The following FAXDC2 variants were observed in gnomAD, a reference collection of about 807,000 sequenced individuals.
FAXDC2 encodes fatty acid hydroxylase domain containing 2, also known as fatty acid hydroxylase domain-containing protein 2.
A neutral mutation model predicts 40.9 loss-of-function variants in FAXDC2; 41 were observed. The ratio of observed to expected loss-of-function variants is 1.00; its 90% CI spans 0.78 to 1.30. The LOEUF (loss-of-function observed/expected upper bound fraction) is 1.30. Among genes scored for constraint, FAXDC2 ranks in the 50% most tolerant of loss-of-function variants. The probability of loss-of-function intolerance (pLI) is 0.00; values close to 1 mark genes in which losing one functional copy is unlikely to be tolerated. For synonymous variants in FAXDC2, 157 were observed against 149.3 expected (o/e 1.05, Z -0.38); for missense variants, 390 against 408.8 (o/e 0.95, Z 0.40).
At chr5:154,828,272 G>A (rs1452360375) in intron 5 of FAXDC2, among the ~76,000 whole-genome samples, 1 of 152,100 alleles carries the variant, frequency 6.6e-6, no homozygotes, top group East Asian at 1.9e-4. Flanking sequence ...TTACAGTAGT[G>A]AGCAACCACA....
intron 4 of FAXDC2, among the ~76,000 whole-genome samples, chr5:154,832,347 G>T (rs1437051817): frequency 6.6e-6 from 1 of 151,836 alleles, no homozygotes; most frequent in Non-Finnish European, 1.5e-5. Flanking sequence ...CTGAGTAGCT[G>T]GGACTACTGG....
intron 4 of FAXDC2, 79 bp from the exon 5 acceptor site, chr5:154,831,001 G>C: frequency 6.5e-7 from 1 of 1,540,326 alleles, no homozygotes; most frequent in Non-Finnish European, 8.9e-7. Flanking sequence ...ACTTTTTTGT[G>C]GTGACTGAGG....
intron 1 of FAXDC2, among the ~76,000 whole-genome samples, chr5:154,848,911 G>A (rs927914017): frequency 3.3e-5 from 5 of 152,008 alleles, no homozygotes; most frequent in African/African-American, 1.2e-4. Context: ...AGGTTGCAGT[G>A]AGCCAAGATC....
At chr5:154,837,106 A>G (rs1760365763) in intron 2 of FAXDC2, among the ~76,000 whole-genome samples, 1 of 152,026 alleles carries the variant, frequency 6.6e-6, no homozygotes, top group Admixed American at 6.6e-5. Flanking sequence ...TGATCAAAAG[A>G]CCAAGCAGAA....
chr5:154,847,487 C>CTTTTTTTTTTTTTTTTTTT (rs557543082), intron 1 of FAXDC2, among the ~76,000 whole-genome samples: 4 of 132,312 alleles, frequency 3.0e-5, no homozygotes, highest in Admixed American at 8.0e-5. Flanking sequence ...TTCTTTCTTT[C>CTTTTTTTTTTTTTTTTTTT]TTTTTTTTTT....
intron 5 of FAXDC2, among the ~76,000 whole-genome samples, chr5:154,824,945 T>C (rs1030801640): frequency 1.3e-5 from 2 of 150,062 alleles, no homozygotes; most frequent in Non-Finnish European, 2.9e-5. Flanking sequence ...AAGCTGGATG[T>C]GGTGGTGTGC....
chr5:154,833,994 C>T (rs914100631), intron 4 of FAXDC2, among the ~76,000 whole-genome samples: 4 of 149,900 alleles, frequency 2.7e-5, no homozygotes, highest in African/African-American at 4.9e-5. Flanking sequence ...TCTATATCCT[C>T]GATACAAGTG....
rs917968606 is a variant in FAXDC2 at position 154,838,073 on chromosome 5, T to C, written c.48+58A>G. On this transcript the variant is annotated intron_variant, in intron 2 of 8. Transcript: ENST00000326080. ...GTTGGATGCATAGCAAGTGCAGCTATGGCAAAGAGCCACTGACTACATTCT... is the reference window on the plus strand; with the variant it reads ...GTTGGATGCATAGCAAGTGCAGCTACGGCAAAGAGCCACTGACTACATTCT... 8.6e-6 allele frequency: 10 copies of C among 1,163,132 alleles called. No individual in the cohort carries two copies. The African/African-American group carries it at 1.2e-4, about 14-fold the overall frequency. The allele number at this position is 1,163,132 out of a possible 1,614,324, so 72.1% of individuals were successfully genotyped here. A position where few individuals can be genotyped will look rare whatever the true frequency, so the allele number is the denominator to read the frequency against.
Position 154,820,079 on chromosome 5 carries a change from G to A in FAXDC2, c.*237C>T, listed in dbSNP as rs1271676969. ...CTCTGACCAGCCTCCAGTCTGGGGA[G>A]CTGTGTTTTCCTTTTTCTTAAGCTA... On this transcript the variant is annotated 3_prime_UTR_variant, in exon 9 of 9. Coordinates refer to ENST00000326080, the MANE Select transcript of FAXDC2 (RefSeq NM_032385.5). 4 of 431,294 alleles carry A rather than the reference G, an allele frequency of 9.3e-6. No homozygotes were observed. The highest frequency in any genetic ancestry group is 4.1e-5 in the African/African-American group (2 of 48,528). 26.7% of individuals were successfully genotyped at this position (431,294 alleles called of 1,614,324 possible).
intron 1 of FAXDC2, among the ~76,000 whole-genome samples, chr5:154,843,392 A>G (rs762340897): frequency 6.6e-6 from 1 of 152,202 alleles, no homozygotes; most frequent in Non-Finnish European, 1.5e-5. Context: ...CGAACTTACT[A>G]TGTGCAAGGA....
In FAXDC2 at chr5:154,834,626, T is replaced by A; in HGVS notation, c.243A>T (p.Ile81=). ...FEGKEWILFF[I]GAIQVPCLFF... is the part of the protein sequence containing the mutation. Reference sequence around the variant, plus strand: ...GTGCTGGTGGTCTGGGAACCTCACCTATAAAGAAGAGGATCCACTCCTTCC... The same window carrying A: ...GTGCTGGTGGTCTGGGAACCTCACCAATAAAGAAGAGGATCCACTCCTTCC... Residue 81 remains isoleucine (I), a splice_region_variant and synonymous_variant, in exon 4 of 9, where the codon ATA becomes ATT. Coordinates refer to ENST00000326080, the MANE Select transcript of FAXDC2 (RefSeq NM_032385.5). 1 of 1,609,204 alleles carries A rather than the reference T, an allele frequency of 6.2e-7. No homozygotes were observed. The highest frequency in any genetic ancestry group is 8.5e-7 in the Non-Finnish European group (1 of 1,175,578).
intron 4 of FAXDC2, among the ~76,000 whole-genome samples, chr5:154,832,633 A>G (rs1760222233): frequency 6.6e-6 from 1 of 152,244 alleles, no homozygotes; most frequent in Non-Finnish European, 1.5e-5. Flanking sequence ...AATACAGATG[A>G]AAAGCACACC....
chr5:154,831,177 A>G (rs1760179535), intron 4 of FAXDC2: 2 of 390,166 alleles, frequency 5.1e-6, no homozygotes, highest in South Asian at 7.3e-5. Flanking sequence ...TCATATAAAT[A>G]CATATGAAAG....
chr5:154,844,770 G>C (rs1760556872), intron 1 of FAXDC2, among the ~76,000 whole-genome samples: 1 of 152,182 alleles, frequency 6.6e-6, no homozygotes, highest in Non-Finnish European at 1.5e-5. Flanking sequence ...TAGGATGACT[G>C]TCAGTACAAT....
At chr5:154,825,649 T>TCAAA (rs1332987986) in intron 5 of FAXDC2, among the ~76,000 whole-genome samples, 1 of 2,638 alleles carries the variant, frequency 3.8e-4, no homozygotes, top group Non-Finnish European at 1.8e-3. Context: ...AGACTCCGTC[T>TCAAA]CAAAAAAAAA....
intron 5 of FAXDC2, among the ~76,000 whole-genome samples, chr5:154,827,421 T>TTGTGTGTGTGTGTGTGTG (rs10528622): frequency 5.0e-5 from 7 of 138,686 alleles, no homozygotes; most frequent in Non-Finnish European, 6.2e-5. Context: ...TTCTGTTATT[T>TTGTGTGTGTGTGTGTGTG]TGTGTGTGTG....
chr5:154,844,382 CA>C (rs1227960252), intron 1 of FAXDC2, among the ~76,000 whole-genome samples: 1,506 of 90,040 alleles, frequency 0.017, 7 homozygotes, highest in Middle Eastern at 0.045. Context: ...ACCCTGCCTC[CA>C]AAAAAAAAAA....
intron 1 of FAXDC2, among the ~76,000 whole-genome samples, chr5:154,847,529 G>A (rs546260760): frequency 4.4e-5 from 6 of 137,776 alleles, no homozygotes; most frequent in East Asian, 2.1e-4. Context: ...CTCATGTTGC[G>A]CAGGCTGGAG....
Position 154,838,130 on chromosome 5 carries a change from C to A in FAXDC2, c.48+1G>T. 3.7e-6 allele frequency: 6 copies of A among 1,610,140 alleles called. No individual in the cohort carries two copies. Among genetic ancestry groups the A allele is most frequent in the Non-Finnish European group, 5.1e-6 (6 of 1,176,598 alleles). ...TTTGGGGGCAAGGTGCTGGCATTTA[C>A]CTGCTTTGACTTTTCATTGTGTAGC... On this transcript the variant is annotated splice_donor_variant, in intron 2 of 8. Transcript: ENST00000326080. LOFTEE classifies it high-confidence loss of function.
Sources: allele counts gnomAD v4.1 joint callset (sites outside exome capture counted in the v4.1 genomes callset), GRCh38; gene constraint gnomAD v4.1.1; transcripts MANE v1.5; gene names NCBI Gene and HGNC (gene_info 2026-07-23, HGNC 2026-07-21).